Variants in RFTN1 observed in about 807,000 individuals in gnomAD.
RFTN1 encodes the protein raftlin.
Under a neutral mutation model 46.5 loss-of-function variants are expected in RFTN1, and 26 were observed. That is an observed-to-expected ratio of 0.56 (90% confidence interval 0.41 to 0.78). The LOEUF (loss-of-function observed/expected upper bound fraction) is 0.78, where lower values mean the gene tolerates loss of function less well. RFTN1 is among the 30% of genes least tolerant of loss of function. The pLI is 0.00. For synonymous variants in RFTN1, 261 were observed against 284.2 expected, an observed-to-expected ratio of 0.92 and a Z score of 0.82; for missense variants, 693 against 718.7, an observed-to-expected ratio of 0.96 and a Z score of 0.41.
Position 16,451,014 on chromosome 3 carries a change from C to A in RFTN1, c.146-16977G>T, listed in dbSNP as rs769215111. On this transcript the variant is annotated intron_variant, in intron 2 of 9. Transcript: ENST00000334133. This position sits in a 1 kb window ranked among gnomAD's most constrained non-coding sequence, Gnocchi z 4.2. The stretch of plus-strand genomic sequence containing the variant: ...TTCAGCTCAAACGGAGAACTCTGGA[C>A]TGGGGATAGAAAACGGAGGCTCACG... Among the ~76,000 whole-genome samples, 12 of 152,138 alleles carry A rather than the reference C, an allele frequency of 7.9e-5. No homozygotes were observed. Among genetic ancestry groups the A allele is most frequent in the Non-Finnish European group, 1.8e-4 (12 of 68,014 alleles).
chr3:16,323,295 G>T, intron 9 of RFTN1, 81 bp downstream of exon 9: 1 of 1,028,108 alleles, frequency 9.7e-7, no homozygotes, highest in Non-Finnish European at 1.5e-6. Context: ...GGAGCAGGCT[G>T]CCCCCTCAAA....
chr3:16,424,903 G>A lies in RFTN1; in HGVS notation c.332+8948C>T, dbSNP rs372621737. Among the ~76,000 whole-genome samples, 59 of 151,956 alleles carry A rather than the reference G, an allele frequency of 3.9e-4. No homozygotes were observed. Among genetic ancestry groups the A allele is most frequent in the African/African-American group, 1.3e-3 (55 of 41,444 alleles). On this transcript the variant is annotated intron_variant, in intron 3 of 9. Coordinates refer to ENST00000334133, the MANE Select transcript of RFTN1 (RefSeq NM_015150.2). This position sits in a 1 kb window ranked among gnomAD's most constrained non-coding sequence, Gnocchi z 4.7. The stretch of plus-strand genomic sequence containing the variant: ...TAGTCTCATCCAGGACCCATCACTG[G>A]TAATGCCCATTATATCTTTTTCAGC...
At position 16,446,069 on chromosome 3, in the gene RFTN1, G is replaced by A. The variant is rs1409682451; in HGVS notation, c.146-12032C>T. ...TCATTAAATGAAGAAATTCTCCTCTGATAAGGCCACAGTCCACATCAGGAC... is the reference window on the plus strand; with the variant it reads ...TCATTAAATGAAGAAATTCTCCTCTAATAAGGCCACAGTCCACATCAGGAC... On this transcript the variant is annotated intron_variant, in intron 2 of 9. Transcript: ENST00000334133. This position sits in a 1 kb window ranked among gnomAD's most constrained non-coding sequence, Gnocchi z 4.5. Among the ~76,000 whole-genome samples the A allele has an allele frequency of 6.6e-6, 1 of 152,048 alleles. No homozygotes were observed. The highest frequency in any genetic ancestry group is 1.5e-5 in the Non-Finnish European group (1 of 68,018).
At chr3:16,354,253 G>A (rs1358070907) in intron 7 of RFTN1, among the ~76,000 whole-genome samples, 4 of 152,124 alleles carry the variant, frequency 2.6e-5, no homozygotes, top group Admixed American at 1.3e-4. Flanking sequence ...ACAGAGGAGG[G>A]GTCTTTCACC....
intron 2 of RFTN1, 26 bp downstream of exon 2, chr3:16,493,699 C>A: frequency 1.9e-6 from 3 of 1,604,974 alleles, no homozygotes; most frequent in Non-Finnish European, 2.6e-6. Context: ...CACCTGCCCC[C>A]ATCCATTCCC....
At chr3:16,323,239 G>T in intron 9 of RFTN1, 137 bp downstream of exon 9, 1 of 642,436 alleles carries the variant, frequency 1.6e-6, no homozygotes, top group Non-Finnish European at 2.7e-6. Context: ...GATTCGGGTT[G>T]CCAGGGGCTC....
intron 2 of RFTN1, chr3:16,472,405 A>G (rs186777061): frequency 6.6e-6 from 1 of 152,374 alleles, no homozygotes; most frequent in East Asian, 1.9e-4. Flanking sequence ...AGGCAGATCC[A>G]AACCTAAGCC....
intron 3 of RFTN1, among the ~76,000 whole-genome samples, chr3:16,419,591 A>C (rs2075148783): frequency 6.6e-6 from 1 of 152,220 alleles, no homozygotes; most frequent in African/African-American, 2.4e-5. Flanking sequence ...AAGGTTTCCC[A>C]TAATTTTATG....
Position 16,428,715 on chromosome 3 carries a change from C to T in RFTN1, c.332+5136G>A, listed in dbSNP as rs1451328905. Among the ~76,000 whole-genome samples the T allele has an allele frequency of 3.9e-5, 6 of 152,164 alleles. No homozygotes were observed. The highest frequency in any genetic ancestry group is 4.8e-5 in the African/African-American group (2 of 41,412). ...CGCCCCTAGCTCCATGTGTGTACAA[C>T]GACAATTCAACAGCTGAAAAATGGC... On this transcript the variant is annotated intron_variant, in intron 3 of 9. Transcript: ENST00000334133. This position sits in a 1 kb window ranked among gnomAD's most constrained non-coding sequence, Gnocchi z 4.7.
At chr3:16,491,780 A>AC (rs1396590512) in intron 2 of RFTN1, among the ~76,000 whole-genome samples, 1 of 148,222 alleles carries the variant, frequency 6.7e-6, no homozygotes, top group African/African-American at 2.5e-5. Flanking sequence ...AAAACAAACA[A>AC]AAAAAAAAAA....
Position 16,450,116 on chromosome 3 carries a change from A to G in RFTN1, c.146-16079T>C, listed in dbSNP as rs917789330. The stretch of plus-strand genomic sequence containing the variant: ...AATCCATCCCAATTTGTAAAATTAA[A>G]TGTGCAAACAGAAAATATTTCTCTG... On this transcript the variant is annotated intron_variant, in intron 2 of 9. Coordinates refer to ENST00000334133, the MANE Select transcript of RFTN1 (RefSeq NM_015150.2). This position sits in a 1 kb window ranked among gnomAD's most constrained non-coding sequence, Gnocchi z 4.6. Among the ~76,000 whole-genome samples the G allele has an allele frequency of 3.3e-5, 5 of 152,226 alleles. No individual in the cohort carries two copies. The highest frequency in any genetic ancestry group is 1.2e-4 in the African/African-American group (5 of 41,448).
rs1489400042 is a variant in RFTN1 at position 16,451,429 on chromosome 3, C to T, written c.146-17392G>A. Among the ~76,000 whole-genome samples, 1 of 152,202 alleles carries T rather than the reference C, an allele frequency of 6.6e-6. No individual in the cohort carries two copies. Among genetic ancestry groups the T allele is most frequent in the Non-Finnish European group, 1.5e-5 (1 of 68,032 alleles). ...TCTGCTTCATTAGCTGGCTTGTAGG[C>T]TAACCAACAGCTGGCTAGGTGTAGT... On this transcript the variant is annotated intron_variant, in intron 2 of 9. Transcript: ENST00000334133. The surrounding 1 kb of genome is among the most constrained non-coding windows in gnomAD (Gnocchi z 4.2).
At position 16,479,678 on chromosome 3, in the gene RFTN1, T is replaced by C. The variant is rs57073887; in HGVS notation, c.145+14047A>G. ...GATGCATCTATTAAGGCCTTAAAAGTTCAGCCTGTTGGCATCAGCAGCCCT... is the reference window on the plus strand; with the variant it reads ...GATGCATCTATTAAGGCCTTAAAAGCTCAGCCTGTTGGCATCAGCAGCCCT... On this transcript the variant is annotated intron_variant, in intron 2 of 9. Coordinates refer to ENST00000334133, the MANE Select transcript of RFTN1 (RefSeq NM_015150.2). The surrounding 1 kb of genome is among the most constrained non-coding windows in gnomAD (Gnocchi z 5.1). 9.1e-3 allele frequency among the ~76,000 whole-genome samples: 1,381 copies of C among 152,304 alleles called. 20 individuals are homozygous for C. The highest frequency in any genetic ancestry group is 0.032 in the African/African-American group (1,318 of 41,556).
rs1309747476 is a variant in RFTN1, at chr3:16,451,781, C to T, written c.146-17744G>A. On this transcript the variant is annotated intron_variant, in intron 2 of 9. Coordinates refer to ENST00000334133, the MANE Select transcript of RFTN1 (RefSeq NM_015150.2). The surrounding 1 kb of genome is among the most constrained non-coding windows in gnomAD (Gnocchi z 4.2). ...TCATAGATGGAAGATTCATTCTTAC[C>T]TTAGATCTTAGCAACTTCAGCATAT... Among the ~76,000 whole-genome samples the T allele has an allele frequency of 1.3e-5, 2 of 152,054 alleles. No individual in the cohort carries two copies. Among genetic ancestry groups the T allele is most frequent in the Non-Finnish European group, 2.9e-5 (2 of 68,014 alleles).
intron 7 of RFTN1, chr3:16,349,334 C>A (rs1277932473): frequency 2.0e-5 from 3 of 152,228 alleles, no homozygotes; most frequent in Non-Finnish European, 4.4e-5. Context: ...TAAGGAAAAC[C>A]ACTGTGGCTG....
rs2070079445 is a variant in RFTN1 at position 16,329,479 on chromosome 3, A to C, written c.1147-2603T>G. Among the ~76,000 whole-genome samples the C allele has an allele frequency of 2.0e-5, 3 of 152,302 alleles. No homozygotes were observed. Among genetic ancestry groups the C allele is most frequent in the Non-Finnish European group, 4.4e-5 (3 of 68,016 alleles). ...GAATGCCATTCTGGTCCCTTCCCTG[A>C]AGCCTCTATCAGGCCAGAGATGGCC... On this transcript the variant is annotated intron_variant, in intron 7 of 9. Coordinates refer to ENST00000334133, the MANE Select transcript of RFTN1 (RefSeq NM_015150.2). The surrounding 1 kb of genome is among the most constrained non-coding windows in gnomAD (Gnocchi z 4.5).
intron 7 of RFTN1, among the ~76,000 whole-genome samples, chr3:16,332,830 T>A (rs954832176): frequency 8.0e-6 from 1 of 124,610 alleles, no homozygotes; most frequent in Non-Finnish European, 1.7e-5. Flanking sequence ...CTTGTGGGCA[T>A]CGATTTATCT....
At chr3:16,490,020 A>G (rs75922940) in intron 2 of RFTN1, among the ~76,000 whole-genome samples, 4,809 of 152,318 alleles carry the variant, frequency 0.032, 156 homozygotes, top group East Asian at 0.11. Context: ...AGAATAAAGA[A>G]TAATCTCATT....
intron 2 of RFTN1, among the ~76,000 whole-genome samples, chr3:16,492,865 T>A (rs2076561176): frequency 6.6e-6 from 1 of 152,082 alleles, no homozygotes; most frequent in African/African-American, 2.4e-5. Flanking sequence ...GGCCCAACAC[T>A]CTGCACACAG....
Sources: gnomAD v4.1 joint callset for allele counts (sites outside exome capture counted in the v4.1 genomes callset) on GRCh38, gnomAD v4.1.1 for gene constraint, Gnocchi (gnomAD v3.1) non-coding constraint, MANE v1.5 for transcripts, NCBI Gene and HGNC (gene_info 2026-07-23, HGNC 2026-07-21) for gene names.